BLTP3B: variants seen among roughly 807,000 people sequenced by gnomAD.
The protein encoded by BLTP3B is bridge-like lipid transfer protein family member 3B.
At chr12:100,077,632 C>T in the BLTP3B span, among the ~76,000 whole-genome samples, 1 of 152,158 alleles carries the variant, frequency 6.6e-6, no homozygotes, top group Non-Finnish European at 1.5e-5. Context: ...CCCTGGGGGG[C>T]AAAATTGGTC....
chr12:100,109,023 T>A, the BLTP3B span, among the ~76,000 whole-genome samples: 1 of 152,158 alleles, frequency 6.6e-6, no homozygotes, highest in Non-Finnish European at 1.5e-5. Flanking sequence ...CACCCAAATC[T>A]CACCTCTAAT....
the BLTP3B span, among the ~76,000 whole-genome samples, chr12:100,123,583 C>T: frequency 3.3e-5 from 5 of 152,172 alleles, no homozygotes; most frequent in African/African-American, 1.2e-4. Flanking sequence ...GACTGCCCTC[C>T]GTCACCCCAG....
the BLTP3B span, among the ~76,000 whole-genome samples, chr12:100,133,913 A>G: frequency 6.6e-6 from 1 of 152,342 alleles, no homozygotes; most frequent in East Asian, 1.9e-4. Context: ...ATTACAATAT[A>G]CAGATATTGT....
chr12:100,058,779 G>T, the BLTP3B span: 1 of 1,613,948 alleles, frequency 6.2e-7, no homozygotes, highest in South Asian at 1.1e-5. Context: ...CAGGATAAGT[G>T]ACTCATGCAG....
chr12:100,137,762 C>T, the BLTP3B span, among the ~76,000 whole-genome samples: 12 of 152,164 alleles, frequency 7.9e-5, no homozygotes, highest in Admixed American at 3.3e-4. Flanking sequence ...ACTCCTCACC[C>T]CCAGGATAAA....
At chr12:100,103,181 T>C in the BLTP3B span, among the ~76,000 whole-genome samples, 4 of 152,084 alleles carry the variant, frequency 2.6e-5, no homozygotes, top group Non-Finnish European at 5.9e-5. Flanking sequence ...CCAGATATAT[T>C]CATTGATGAA....
chr12:100,084,352 A>G, the BLTP3B span: 1 of 1,062,084 alleles, frequency 9.4e-7, no homozygotes, highest in East Asian at 2.7e-5. Context: ...AGAAAAAAAA[A>G]TACTCATTTA....
the BLTP3B span, chr12:100,058,299 C>G: frequency 4.3e-6 from 7 of 1,613,820 alleles, no homozygotes; most frequent in Non-Finnish European, 4.2e-6. Context: ...TGTTTCTGAT[C>G]CAATTTCTCC....
chr12:100,042,793 T>C, the BLTP3B span, among the ~76,000 whole-genome samples: 1 of 152,208 alleles, frequency 6.6e-6, no homozygotes, highest in Non-Finnish European at 1.5e-5. Flanking sequence ...TAGCATTTTT[T>C]AGCAATCAAG....
At chr12:100,081,533 C>A in the BLTP3B span, among the ~76,000 whole-genome samples, 4 of 152,028 alleles carry the variant, frequency 2.6e-5, no homozygotes, top group African/African-American at 7.2e-5. Flanking sequence ...GGCATAGTAC[C>A]CGTTAAGTAG....
chr12:100,059,503 A>G, the BLTP3B span: 1 of 1,602,030 alleles, frequency 6.2e-7, no homozygotes, highest in Non-Finnish European at 8.5e-7. Context: ...TCTTGATGAC[A>G]TTCAGATTTC....
At chr12:100,131,107 T>C in the BLTP3B span, among the ~76,000 whole-genome samples, 5 of 148,698 alleles carry the variant, frequency 3.4e-5, no homozygotes, top group East Asian at 2.0e-4. Context: ...ATACAAGAGT[T>C]TGAGGTTAGC....
At chr12:100,037,518 ATT>A in the BLTP3B span, 1 of 1,537,738 alleles carries the variant, frequency 6.5e-7, no homozygotes, top group Non-Finnish European at 8.6e-7. Flanking sequence ...ATCACATTCC[ATT>A]TTGTTTTATT....
chr12:100,090,083 T>C, the BLTP3B span, among the ~76,000 whole-genome samples: 260 of 152,314 alleles, frequency 1.7e-3, 1 homozygote, highest in African/African-American at 5.8e-3. Context: ...GTAAGTAGAT[T>C]GCCCTGTCTC....
the BLTP3B span, among the ~76,000 whole-genome samples, chr12:100,087,331 T>C: frequency 1.3e-5 from 2 of 151,738 alleles, no homozygotes; most frequent in Non-Finnish European, 2.9e-5. Context: ...GAAAGAAAAA[T>C]ACTAACTGAG....
At chr12:100,109,324 T>C in the BLTP3B span, among the ~76,000 whole-genome samples, 1 of 152,090 alleles carries the variant, frequency 6.6e-6, no homozygotes, top group Admixed American at 6.6e-5. Flanking sequence ...AACTTCTTTC[T>C]TCAGTCTCAG....
At chr12:100,124,836 C>T in the BLTP3B span, among the ~76,000 whole-genome samples, 22 of 149,452 alleles carry the variant, frequency 1.5e-4, no homozygotes, top group Non-Finnish European at 2.7e-4. Context: ...GCAGAAGGAT[C>T]GTTTGATCCC....
At chr12:100,046,846 T>C in the BLTP3B span, among the ~76,000 whole-genome samples, 2 of 152,114 alleles carry the variant, frequency 1.3e-5, no homozygotes, top group South Asian at 2.1e-4. Context: ...AATAAGAACG[T>C]AGAGACGTGC....
chr12:100,123,994 T>C, the BLTP3B span, among the ~76,000 whole-genome samples: 1 of 152,206 alleles, frequency 6.6e-6, no homozygotes, highest in Non-Finnish European at 1.5e-5. Flanking sequence ...ATAGGCATTG[T>C]GGCTCATGCC....
Sources: gnomAD v4.1 joint callset for allele counts (sites outside exome capture counted in the v4.1 genomes callset) on GRCh38, gnomAD v4.1.1 for gene constraint, MANE v1.5 for transcripts, NCBI Gene and HGNC (gene_info 2026-07-23, HGNC 2026-07-21) for gene names.